Variants in TMEM268 observed in about 807,000 individuals in gnomAD.
TMEM268 encodes transmembrane protein 268.
TMEM268 carries 24 observed loss-of-function variants against 39.1 expected under a neutral mutation model. The ratio of observed to expected loss-of-function variants is 0.61; its 90% CI spans 0.44 to 0.86. TMEM268 has a LOEUF of 0.86. Ranked by LOEUF, TMEM268 falls within the 40% of genes least tolerant of loss-of-function variation. TMEM268 has a pLI of 0.00. For missense variants in TMEM268, 409 were observed against 428.6 expected (o/e 0.95, Z 0.40); for synonymous variants, 176 against 173.5 (o/e 1.01, Z -0.12).
intron 1 of TMEM268, among the ~76,000 whole-genome samples, chr9:114,613,019 G>A (rs1564282098): frequency 6.6e-6 from 1 of 152,186 alleles, no homozygotes; most frequent in Non-Finnish European, 1.5e-5. Context: ...ATTTACATGT[G>A]TGAACTCTTT....
chr9:114,640,161 T>TTGTGACATGC (rs1846836717), intron 8 of TMEM268, among the ~76,000 whole-genome samples: 1 of 151,986 alleles, frequency 6.6e-6, no homozygotes, highest in African/African-American at 2.4e-5. Flanking sequence ...GTGTACTTTC[T>TTGTGACATGC]TGTGACATGC....
At chr9:114,633,247 T>C (rs11792333) in intron 5 of TMEM268, among the ~76,000 whole-genome samples, 41,253 of 151,142 alleles carry the variant, frequency 0.27, 5,984 homozygotes, top group South Asian at 0.4. Context: ...CTGCAACCTC[T>C]GCCTCCTGGG....
chr9:114,617,393 G>A (rs1845770736), intron 2 of TMEM268, 92 bp downstream of exon 2: 2 of 997,378 alleles, frequency 2.0e-6, no homozygotes, highest in East Asian at 5.2e-5. Flanking sequence ...TAAGGTCAGG[G>A]GGAGGTGTCT....
At chr9:114,630,594 A>G (rs776703794) in intron 5 of TMEM268, among the ~76,000 whole-genome samples, 1 of 152,194 alleles carries the variant, frequency 6.6e-6, no homozygotes, top group Non-Finnish European at 1.5e-5. Flanking sequence ...TACTTAATCT[A>G]TCAGGGCCTC....
rs1827500019 is a variant in TMEM268, at chr9:114,644,625, C to G, written c.*1312C>G. On this transcript the variant is annotated 3_prime_UTR_variant, in exon 9 of 9. Coordinates refer to ENST00000288502, the MANE Select transcript of TMEM268 (RefSeq NM_153045.4). ...AAAATCTTGTGGATTGATTGCTTTG[C>G]CATCCCCACAGCAGCTTTTGCAAAT... is the stretch of plus-strand genomic sequence containing the variant. 6.6e-6 allele frequency: 1 copy of G among 152,072 alleles called. No individual in the cohort carries two copies. Among genetic ancestry groups the G allele is most frequent in the Non-Finnish European group, 1.5e-5 (1 of 68,034 alleles). The allele number at this position is 152,072 out of a possible 1,614,324, so 9.4% of individuals were successfully genotyped here. A position where few individuals can be genotyped will look rare whatever the true frequency, so the allele number is the denominator to read the frequency against.
chr9:114,629,807 C>A (rs927673834), intron 5 of TMEM268, among the ~76,000 whole-genome samples: 1 of 152,118 alleles, frequency 6.6e-6, no homozygotes, highest in African/African-American at 2.4e-5. Flanking sequence ...CCACTTAGTG[C>A]GTGTGTTCAC....
At chr9:114,620,854 A>C (rs1451105295) in intron 2 of TMEM268, among the ~76,000 whole-genome samples, 1 of 152,016 alleles carries the variant, frequency 6.6e-6, no homozygotes, top group African/African-American at 2.4e-5. Flanking sequence ...CCGAGCTCCA[A>C]TTTGAACTCC....
At chr9:114,617,400 G>A in intron 2 of TMEM268, 99 bp downstream of exon 2, 1 of 896,294 alleles carries the variant, frequency 1.1e-6, no homozygotes, top group Non-Finnish European at 1.8e-6. Flanking sequence ...AGGGGGAGGT[G>A]TCTTTGAGGC....
chr9:114,643,413 C>T lies in TMEM268; in HGVS notation c.*100C>T. ...GGGGAGCCCCAGGTGAGGAGAGAAG[C>T]ATCTGGGGGCACTCCAAAAGGGGCC... On this transcript the variant is annotated 3_prime_UTR_variant, in exon 9 of 9. Coordinates refer to ENST00000288502, the MANE Select transcript of TMEM268 (RefSeq NM_153045.4). The T allele has an allele frequency of 9.7e-7, 1 of 1,032,520 alleles. No homozygotes were observed. The highest frequency in any genetic ancestry group is 1.4e-6 in the Non-Finnish European group (1 of 694,692). The allele number at this position is 1,032,520 out of a possible 1,614,324, so 64.0% of individuals were successfully genotyped here. A position where few individuals can be genotyped will look rare whatever the true frequency, so the allele number is the denominator to read the frequency against.
intron 1 of TMEM268, among the ~76,000 whole-genome samples, chr9:114,613,530 T>C (rs1845587793): frequency 6.6e-6 from 1 of 152,230 alleles, no homozygotes; most frequent in African/African-American, 2.4e-5. Flanking sequence ...GATTATCAAG[T>C]GCAGGGCAGA....
chr9:114,606,479 T>C (rs1589317732), upstream of TMEM268, among the ~76,000 whole-genome samples: 1 of 152,234 alleles, frequency 6.6e-6, no homozygotes, highest in African/African-American at 2.4e-5. Flanking sequence ...ATCAATGTAA[T>C]GGAGCCACTA....
chr9:114,613,739 C>T (rs1005401101), intron 1 of TMEM268, among the ~76,000 whole-genome samples: 1 of 152,140 alleles, frequency 6.6e-6, no homozygotes. Flanking sequence ...TCCCTTGACT[C>T]ACTCTTTTTT....
intron 2 of TMEM268, chr9:114,622,636 G>A: frequency 3.0e-6 from 1 of 330,412 alleles, no homozygotes; most frequent in Non-Finnish European, 4.3e-6. Flanking sequence ...GCAGTTGTGA[G>A]CAGCCTGGGT....
chr9:114,610,872 G>A (rs1475028305), upstream of TMEM268, among the ~76,000 whole-genome samples: 1 of 152,174 alleles, frequency 6.6e-6, no homozygotes, highest in East Asian at 1.9e-4. Flanking sequence ...TCACAGCCTA[G>A]TCTGACCCCA....
chr9:114,621,688 A>C (rs968587540), intron 2 of TMEM268, among the ~76,000 whole-genome samples: 10 of 152,138 alleles, frequency 6.6e-5, no homozygotes, highest in Admixed American at 6.6e-4. Flanking sequence ...CAAATGATGC[A>C]TGGGCTGTAA....
chr9:114,606,488 T>C (rs1040407402), upstream of TMEM268, among the ~76,000 whole-genome samples: 12 of 152,220 alleles, frequency 7.9e-5, no homozygotes, highest in African/African-American at 2.4e-4. Context: ...ATGGAGCCAC[T>C]AGCAACGGAA....
Position 114,628,258 on chromosome 9 carries a change from G to A in TMEM268, c.474+8G>A, listed in dbSNP as rs1846244487. 6.2e-7 allele frequency: 1 copy of A among 1,612,866 alleles called. No individual in the cohort carries two copies. Among genetic ancestry groups the A allele is most frequent in the Non-Finnish European group, 8.5e-7 (1 of 1,179,700 alleles). On this transcript the variant is annotated splice_region_variant and intron_variant, in intron 5 of 8. Coordinates refer to ENST00000288502, the MANE Select transcript of TMEM268 (RefSeq NM_153045.4). ...GAAAGACACCAGAAGAAGGTGAGAT[G>A]TCTGGAGATCCCTGCCACACTCTCT...
chr9:114,613,567 C>T (rs531619141), intron 1 of TMEM268, among the ~76,000 whole-genome samples: 1 of 152,082 alleles, frequency 6.6e-6, no homozygotes, highest in African/African-American at 2.4e-5. Context: ...TTTGTTGGTA[C>T]AGGAAGAAAG....
upstream of TMEM268, among the ~76,000 whole-genome samples, chr9:114,610,442 G>C (rs1201620235): frequency 6.6e-6 from 1 of 152,204 alleles, no homozygotes; most frequent in Admixed American, 6.5e-5. Flanking sequence ...GCAGTGTGGC[G>C]CGTTCTGGCC....
Sources: allele counts gnomAD v4.1 joint callset (sites outside exome capture counted in the v4.1 genomes callset), GRCh38; gene constraint gnomAD v4.1.1; transcripts MANE v1.5; gene names NCBI Gene and HGNC (gene_info 2026-07-23, HGNC 2026-07-21).